The following MYO1B variants were observed in gnomAD, a reference collection of about 807,000 sequenced individuals.
MYO1B encodes the protein unconventional myosin-Ib.
MYO1B carries 72 observed loss-of-function variants against 159.7 expected under a neutral mutation model. The ratio of observed to expected loss-of-function variants is 0.45; its 90% CI spans 0.37 to 0.55. MYO1B has a LOEUF of 0.55. Ranked by LOEUF, MYO1B falls within the 20% of genes least tolerant of loss-of-function variation. MYO1B has a pLI of 0.00. For synonymous variants in MYO1B, 468 were observed against 473.8 expected, an observed-to-expected ratio of 0.99 and a Z score of 0.16; for missense variants, 1,062 against 1,364.8, an observed-to-expected ratio of 0.78 and a Z score of 3.50.
At chr2:191,321,120 A>AATGTGTTTC (rs1690683347) in intron 3 of MYO1B, among the ~76,000 whole-genome samples, 1 of 152,138 alleles carries the variant, frequency 6.6e-6, no homozygotes, top group Non-Finnish European at 1.5e-5. Flanking sequence ...TTTAGATCAG[A>AATGTGTTTC]ATGTGTTTCT....
At chr2:191,247,676 T>C (rs1685870171) in intron 1 of MYO1B, among the ~76,000 whole-genome samples, 1 of 152,284 alleles carries the variant, frequency 6.6e-6, no homozygotes, top group African/African-American at 2.4e-5. Context: ...TCACTTATGC[T>C]GTGAATTGTT....
chr2:191,280,286 G>A (rs1055570879), intron 2 of MYO1B, among the ~76,000 whole-genome samples: 1 of 152,216 alleles, frequency 6.6e-6, no homozygotes, highest in African/African-American at 2.4e-5. Context: ...GTGTTAGAAT[G>A]TGCTTTTTGC....
At chr2:191,315,544 T>C (rs954811812) in intron 3 of MYO1B, among the ~76,000 whole-genome samples, 3 of 152,242 alleles carry the variant, frequency 2.0e-5, no homozygotes, top group African/African-American at 7.2e-5. Flanking sequence ...GAACTTTTCA[T>C]TTCCTGGTAG....
At chr2:191,311,117 A>T (rs1239663840) in intron 3 of MYO1B, among the ~76,000 whole-genome samples, 1 of 152,226 alleles carries the variant, frequency 6.6e-6, no homozygotes, top group Non-Finnish European at 1.5e-5. Context: ...CTTGAGATCC[A>T]AAAAGAATAT....
chr2:191,368,408 C>T (rs1049260681), intron 11 of MYO1B, among the ~76,000 whole-genome samples: 8 of 152,166 alleles, frequency 5.3e-5, no homozygotes, highest in East Asian at 1.9e-4. Context: ...AACCTCCAGG[C>T]CTCCCCAGGA....
At position 191,408,098 on chromosome 2, in the gene MYO1B, A is replaced by G; in HGVS notation, c.2557-17A>G. The G allele has an allele frequency of 1.3e-6, 2 of 1,584,928 alleles. No homozygotes were observed. Among genetic ancestry groups the G allele is most frequent in the African/African-American group, 1.3e-5 (1 of 74,372 alleles). On this transcript the variant is annotated splice_polypyrimidine_tract_variant and intron_variant, in intron 24 of 30. Transcript: ENST00000392318. ...AGCCACACATTAACCACTGTAACCT[A>G]CATCTTCTTTTTAAAGGTACGTAGA...
intron 7 of MYO1B, among the ~76,000 whole-genome samples, chr2:191,350,807 A>T (rs1396441230): frequency 8.2e-6 from 1 of 121,668 alleles, no homozygotes; most frequent in Non-Finnish European, 1.9e-5. Flanking sequence ...GTGAAAAGTT[A>T]AAAAAAAAAA....
Position 191,423,982 on chromosome 2 carries a change from C to A in MYO1B, c.*22C>A. On this transcript the variant is annotated 3_prime_UTR_variant, in exon 31 of 31. Coordinates refer to ENST00000392318, the MANE Select transcript of MYO1B (RefSeq NM_001130158.3). ...TTAACTGGCGCCTCCTCTCTACTTT[C>A]ATGGACTTGTTCCTTTGTAATAGTG... 1 of 1,610,328 alleles carries A rather than the reference C, an allele frequency of 6.2e-7. No individual in the cohort carries two copies. Among genetic ancestry groups the A allele is most frequent in the Non-Finnish European group, 8.5e-7 (1 of 1,178,578 alleles).
intron 3 of MYO1B, among the ~76,000 whole-genome samples, chr2:191,316,424 A>T (rs548191969): frequency 2.3e-3 from 354 of 152,104 alleles, no homozygotes; most frequent in Non-Finnish European, 3.7e-3. Flanking sequence ...GGGCCTCGGG[A>T]GTTATTGTAG....
intron 2 of MYO1B, among the ~76,000 whole-genome samples, chr2:191,291,783 A>G (rs770211053): frequency 5.3e-5 from 8 of 152,236 alleles, no homozygotes; most frequent in Admixed American, 3.3e-4. Context: ...ATGTTAATCA[A>G]TGTAAAAATG....
intron 26 of MYO1B, 35 bp from the exon 27 acceptor site, chr2:191,411,031 A>G (rs954655660): frequency 1.7e-5 from 20 of 1,180,176 alleles, no homozygotes; most frequent in Non-Finnish European, 2.5e-5. Flanking sequence ...ATTTATATAA[A>G]TGATGTTTTG....
At chr2:191,319,812 A>C (rs954749023) in intron 3 of MYO1B, among the ~76,000 whole-genome samples, 2 of 152,180 alleles carry the variant, frequency 1.3e-5, no homozygotes, top group Non-Finnish European at 2.9e-5. Flanking sequence ...AGTTCTAACA[A>C]ATTTCTTACA....
At chr2:191,396,624 A>C in intron 21 of MYO1B, 127 bp downstream of exon 21, 1 of 859,738 alleles carries the variant, frequency 1.2e-6, no homozygotes, top group South Asian at 1.6e-5. Context: ...AAACAGTCAG[A>C]TGGAAAGAAT....
intron 22 of MYO1B, 106 bp from the exon 23 acceptor site, chr2:191,400,643 C>T: frequency 7.2e-7 from 1 of 1,393,752 alleles, no homozygotes; most frequent in Non-Finnish European, 1.0e-6. Context: ...TTTGCGTTTA[C>T]CATTTGGTGG....
intron 27 of MYO1B, among the ~76,000 whole-genome samples, chr2:191,413,478 T>TG (rs1292391547): frequency 6.6e-6 from 1 of 152,238 alleles, no homozygotes; most frequent in Admixed American, 6.5e-5. Context: ...ATTGCCTACT[T>TG]AGAACCACAG....
At chr2:191,270,708 A>T (rs991824206) in intron 1 of MYO1B, among the ~76,000 whole-genome samples, 1 of 152,192 alleles carries the variant, frequency 6.6e-6, no homozygotes, top group Non-Finnish European at 1.5e-5. Context: ...TTGTTTTGCC[A>T]TCAGGATTTG....
At chr2:191,247,959 T>A (rs1685885684) in intron 1 of MYO1B, 1 of 985,316 alleles carries the variant, frequency 1.0e-6, no homozygotes, top group African/African-American at 1.7e-5. Context: ...TGCACAGTTA[T>A]GCAAAGCAAG....
At chr2:191,397,586 C>A (rs1346794645) in intron 21 of MYO1B, among the ~76,000 whole-genome samples, 4 of 150,790 alleles carry the variant, frequency 2.7e-5, no homozygotes, top group Non-Finnish European at 4.4e-5. Context: ...TCTCCCATGT[C>A]TACTTCTATC....
At chr2:191,386,969 TATG>T (rs1695434587) in intron 16 of MYO1B, among the ~76,000 whole-genome samples, 1 of 152,196 alleles carries the variant, frequency 6.6e-6, no homozygotes, top group African/African-American at 2.4e-5. Context: ...TTGAAAATGT[TATG>T]ATAACATTTT....
Sources: gnomAD v4.1 joint callset for allele counts (sites outside exome capture counted in the v4.1 genomes callset) on GRCh38, gnomAD v4.1.1 for gene constraint, MANE v1.5 for transcripts, NCBI Gene and HGNC (gene_info 2026-07-23, HGNC 2026-07-21) for gene names.